UBE2E1: variants seen among roughly 807,000 people sequenced by gnomAD.
UBE2E1 encodes the protein ubiquitin conjugating enzyme E2 E1, also known as ubiquitin-conjugating enzyme E2 E1.
In UBE2E1, 6 loss-of-function variants were observed where a neutral mutation model predicts 21.4. That is an observed-to-expected ratio of 0.28 (90% CI 0.15 to 0.55). UBE2E1 has a LOEUF of 0.55. UBE2E1 is among the 20% of genes least tolerant of loss of function. UBE2E1 has a pLI of 0.93. For missense variants in UBE2E1, 142 were observed against 236.5 expected (o/e 0.60, Z 2.62); for synonymous variants, 87 against 82.7 (o/e 1.05, Z -0.28).
At chr3:23,834,835 A>C (rs1165591108) in intron 3 of UBE2E1, among the ~76,000 whole-genome samples, 1 of 152,350 alleles carries the variant, frequency 6.6e-6, no homozygotes, top group South Asian at 2.1e-4. Flanking sequence ...TTGTTTTATA[A>C]ATTTTTTAAC....
At chr3:23,848,245 G>A (rs773732003) in intron 3 of UBE2E1, among the ~76,000 whole-genome samples, 8 of 152,196 alleles carry the variant, frequency 5.3e-5, no homozygotes, top group Non-Finnish European at 1.0e-4. Flanking sequence ...AAGGCGGATG[G>A]ATCACTTGAG....
chr3:23,838,889 T>A (rs2125298897), intron 3 of UBE2E1, among the ~76,000 whole-genome samples: 1 of 143,760 alleles, frequency 7.0e-6, no homozygotes, highest in South Asian at 2.2e-4. Context: ...TTTTTTTTTT[T>A]AATGATACTA....
At chr3:23,811,909 A>G (rs1699401495) in intron 3 of UBE2E1, among the ~76,000 whole-genome samples, 1 of 152,242 alleles carries the variant, frequency 6.6e-6, no homozygotes, top group Non-Finnish European at 1.5e-5. Context: ...AGCTAAGAGA[A>G]CATTAGAGTT....
chr3:23,868,751 CTGTT>C (rs946889602), intron 3 of UBE2E1, among the ~76,000 whole-genome samples: 2 of 150,832 alleles, frequency 1.3e-5, no homozygotes, highest in African/African-American at 4.9e-5. Context: ...TAATTGGAAT[CTGTT>C]TGAAGGAGAA....
At chr3:23,861,840 C>T (rs1013063723) in intron 3 of UBE2E1, among the ~76,000 whole-genome samples, 7 of 152,220 alleles carry the variant, frequency 4.6e-5, no homozygotes, top group Non-Finnish European at 7.3e-5. Flanking sequence ...GCTGCTTCCA[C>T]TCAATAAAAC....
intron 3 of UBE2E1, among the ~76,000 whole-genome samples, chr3:23,875,418 T>C (rs1010895874): frequency 3.3e-5 from 5 of 152,200 alleles, no homozygotes; most frequent in Admixed American, 2.0e-4. Context: ...CAAATGACTA[T>C]AGCAGTCTGT....
intron 3 of UBE2E1, among the ~76,000 whole-genome samples, chr3:23,869,715 A>C (rs1575029088): frequency 9.0e-6 from 1 of 110,542 alleles, no homozygotes; most frequent in Non-Finnish European, 1.8e-5. Context: ...ATATAGTGAG[A>C]CCCTGTGTCA....
At chr3:23,889,311 C>CTTGT (rs1559497102) in intron 5 of UBE2E1, 52 bp downstream of exon 5, 1 of 1,610,856 alleles carries the variant, frequency 6.2e-7, no homozygotes, top group South Asian at 1.1e-5. Flanking sequence ...CTGAAAAATA[C>CTTGT]TTGTTTCCAA....
Position 23,810,621 on chromosome 3 carries a change from C to A in UBE2E1, c.153-839C>A. 1 of 1,230,588 alleles carries A rather than the reference C, an allele frequency of 8.1e-7. No homozygotes were observed. Among genetic ancestry groups the A allele is most frequent in the Non-Finnish European group, 1.1e-6 (1 of 914,314 alleles). The allele number at this position is 1,230,588 out of a possible 1,614,324, so 76.2% of individuals were successfully genotyped here. On this transcript the variant is annotated intron_variant, in intron 2 of 5. Coordinates refer to ENST00000306627, the MANE Select transcript of UBE2E1 (RefSeq NM_003341.5). The surrounding 1 kb of genome is among the most constrained non-coding windows in gnomAD (Gnocchi z 5.8). ...CGGCCGCGGGCCGGCCACTTGGGGT[C>A]TGTGGTGCCCGAGTGGCGGGCGGGG...
At chr3:23,837,807 T>C (rs1031648034) in intron 3 of UBE2E1, among the ~76,000 whole-genome samples, 2 of 152,196 alleles carry the variant, frequency 1.3e-5, no homozygotes, top group African/African-American at 4.8e-5. Context: ...ACTTTTGGCA[T>C]GTGGAAAATT....
chr3:23,881,838 C>T (rs573076247), intron 3 of UBE2E1, among the ~76,000 whole-genome samples: 1 of 152,256 alleles, frequency 6.6e-6, no homozygotes, highest in East Asian at 1.9e-4. Flanking sequence ...TTCAGAGTTT[C>T]TTCCTTCTGG....
chr3:23,838,027 TA>T (rs949180211), intron 3 of UBE2E1, among the ~76,000 whole-genome samples: 17 of 152,252 alleles, frequency 1.1e-4, no homozygotes, highest in African/African-American at 3.8e-4. Flanking sequence ...TACAGGACTT[TA>T]AAAATATATA....
At chr3:23,813,867 C>G (rs1699455226) in intron 3 of UBE2E1, among the ~76,000 whole-genome samples, 2 of 152,050 alleles carry the variant, frequency 1.3e-5, no homozygotes, top group Non-Finnish European at 1.5e-5. Flanking sequence ...AAGTCAGCGT[C>G]CAATGAAAAT....
chr3:23,807,620 T>G, intron 2 of UBE2E1, 199 bp downstream of exon 2: 1 of 560,932 alleles, frequency 1.8e-6, no homozygotes. Flanking sequence ...CATGCAGCTG[T>G]TGCGGCTTGC....
At chr3:23,811,930 T>C (rs984213062) in intron 3 of UBE2E1, among the ~76,000 whole-genome samples, 4 of 152,226 alleles carry the variant, frequency 2.6e-5, no homozygotes, top group Admixed American at 1.3e-4. Context: ...AAACACTGGA[T>C]CTTCAAACTT....
intron 3 of UBE2E1, chr3:23,879,449 G>T: frequency 2.4e-6 from 1 of 423,014 alleles, no homozygotes; most frequent in South Asian, 2.0e-5. Context: ...AGACTGAAAT[G>T]AAGGCCGACT....
In UBE2E1 at chr3:23,853,624, A is replaced by G. The variant is rs766953674; in HGVS notation, c.204-33943A>G. ...TGTTCACAATTCAGTCTTTAAATGC[A>G]TATAGGAGAGTTGGAGGGGAGAGGA... On this transcript the variant is annotated intron_variant, in intron 3 of 5. Transcript: ENST00000306627. This position sits in a 1 kb window ranked among gnomAD's most constrained non-coding sequence, Gnocchi z 4.1. Among the ~76,000 whole-genome samples, 2 of 152,130 alleles carry G rather than the reference A, an allele frequency of 1.3e-5. No individual in the cohort carries two copies. The highest frequency in any genetic ancestry group is 1.3e-4 in the Admixed American group (2 of 15,264).
chr3:23,885,686 C>T (rs1701165518), intron 3 of UBE2E1, among the ~76,000 whole-genome samples: 2 of 151,774 alleles, frequency 1.3e-5, no homozygotes, highest in African/African-American at 2.4e-5. Flanking sequence ...CATGGTGAAA[C>T]CCCATCTATA....
At chr3:23,839,252 A>G (rs1259121091) in intron 3 of UBE2E1, among the ~76,000 whole-genome samples, 1 of 152,022 alleles carries the variant, frequency 6.6e-6, no homozygotes, top group African/African-American at 2.4e-5. Context: ...TCACGAGGTC[A>G]GGAGATCGAG....
Sources: allele counts gnomAD v4.1 joint callset (sites outside exome capture counted in the v4.1 genomes callset), GRCh38; gene constraint gnomAD v4.1.1; non-coding constraint Gnocchi (gnomAD v3.1); transcripts MANE v1.5; gene names NCBI Gene and HGNC (gene_info 2026-07-23, HGNC 2026-07-21).